Variants in ABCG1 observed in about 807,000 individuals in gnomAD.
ABCG1 encodes the protein ATP binding cassette subfamily G member 1, also known as ATP-binding cassette sub-family G member 1.
A neutral mutation model predicts 69.2 loss-of-function variants in ABCG1; 29 were observed. That is an observed-to-expected ratio of 0.42 (90% CI 0.31 to 0.57). The LOEUF (loss-of-function observed/expected upper bound fraction) is 0.57, where lower values mean the gene tolerates loss of function less well. ABCG1 is among the 20% of genes least tolerant of loss of function. ABCG1 has a pLI of 0.15. For missense variants in ABCG1, 718 were observed against 898.1 expected (o/e 0.80, Z 2.56); for synonymous variants, 370 against 374.8 (o/e 0.99, Z 0.15).
intron 13 of ABCG1, among the ~76,000 whole-genome samples, chr21:42,292,971 CACACTACACACACACCACACT>C: frequency 6.9e-6 from 1 of 145,588 alleles, no homozygotes; most frequent in African/African-American, 2.5e-5. Flanking sequence ...CTACACACCA[CACACTACACACACACCACACT>C]ACACAGTACA....
At chr21:42,253,088 G>T (rs150595637) in intron 2 of ABCG1, among the ~76,000 whole-genome samples, 35 of 152,288 alleles carry the variant, frequency 2.3e-4, no homozygotes, top group African/African-American at 8.2e-4. Flanking sequence ...TGCAGTGGGC[G>T]AGGTGTCTAA....
intron 7 of ABCG1, among the ~76,000 whole-genome samples, chr21:42,285,011 C>T (rs1203888441): frequency 2.0e-5 from 3 of 151,942 alleles, no homozygotes; most frequent in Non-Finnish European, 2.9e-5. Flanking sequence ...CCACAGGCAG[C>T]GAAGGGGGCT....
chr21:42,256,562 T>G, intron 2 of ABCG1: 1 of 1,540,640 alleles, frequency 6.5e-7, no homozygotes, highest in Non-Finnish European at 8.8e-7. Flanking sequence ...ATCTGCATTC[T>G]CTGGGACACT....
intron 13 of ABCG1, 26 bp from the exon 14 acceptor site, chr21:42,294,516 T>C (rs2069165331): frequency 8.8e-6 from 14 of 1,584,260 alleles, no homozygotes; most frequent in Non-Finnish European, 1.1e-5. Flanking sequence ...TTCTGCTACA[T>C]CTGTCCTGTG....
chr21:42,245,048 A>G (rs1320639763), intron 2 of ABCG1, among the ~76,000 whole-genome samples: 1 of 152,204 alleles, frequency 6.6e-6, no homozygotes, highest in Non-Finnish European at 1.5e-5. Context: ...CACGCGCTCC[A>G]CGAGCTCAGG....
rs2068713983 is a variant in ABCG1 at position 42,276,558 on chromosome 21, G to A, written c.538-337G>A. ...CATTGTTAAAGCAGGGGCATCGGAA[G>A]CCAAGAACTCCTTGGGTTTTCCATG... On this transcript the variant is annotated intron_variant, in intron 4 of 14. Coordinates refer to ENST00000398449, the MANE Select transcript of ABCG1 (RefSeq NM_016818.3). This position sits in a 1 kb window ranked among gnomAD's most constrained non-coding sequence, Gnocchi z 5.3. 3.2e-6 allele frequency: 1 copy of A among 310,124 alleles called. No homozygotes were observed. The highest frequency in any genetic ancestry group is 2.1e-5 in the African/African-American group (1 of 47,028). 19.2% of individuals were successfully genotyped at this position (310,124 alleles called of 1,614,324 possible).
intron 10 of ABCG1, among the ~76,000 whole-genome samples, chr21:42,289,348 C>T (rs1203708464): frequency 1.3e-5 from 2 of 152,162 alleles, no homozygotes; most frequent in Admixed American, 1.3e-4. Flanking sequence ...AACCAAATGA[C>T]AGCCCTTAAA....
intron 5 of ABCG1, among the ~76,000 whole-genome samples, chr21:42,279,038 C>T (rs79489808): frequency 0.011 from 1,749 of 152,206 alleles, 33 homozygotes; most frequent in African/African-American, 0.038. Context: ...CCCCTGGATC[C>T]GCCTTTCAGG....
intron 2 of ABCG1, among the ~76,000 whole-genome samples, chr21:42,241,639 A>C (rs1244111870): frequency 2.0e-5 from 3 of 151,296 alleles, no homozygotes; most frequent in Admixed American, 6.6e-5. Flanking sequence ...AACAAAACCC[A>C]AAATCCCTAA....
In ABCG1 at chr21:42,296,742, C is replaced by T. The variant is rs894568638; in HGVS notation, c.*350C>T. On this transcript the variant is annotated 3_prime_UTR_variant, in exon 15 of 15. Transcript: ENST00000398449. The surrounding 1 kb of genome is among the most constrained non-coding windows in gnomAD (Gnocchi z 5.4). ...CCAGTCGCTCCTTAGCACCAGGCAC[C>T]GTGGGTCCTGGATGGGGAACTGCAA... The T allele has an allele frequency of 5.7e-5, 18 of 317,232 alleles. 1 individual carries two copies. Among genetic ancestry groups the T allele is most frequent in the South Asian group, 4.0e-4 (10 of 25,202 alleles). 19.7% of individuals were successfully genotyped at this position (317,232 alleles called of 1,614,324 possible).
intron 2 of ABCG1, among the ~76,000 whole-genome samples, chr21:42,253,750 G>A (rs535198627): frequency 6.6e-6 from 1 of 152,174 alleles, no homozygotes; most frequent in Non-Finnish European, 1.5e-5. Flanking sequence ...AGGACTGGGG[G>A]TGAGATCGAT....
At chr21:42,221,475 A>T (rs115056315) in intron 1 of ABCG1, among the ~76,000 whole-genome samples, 5,135 of 152,206 alleles carry the variant, frequency 0.034, 283 homozygotes, top group African/African-American at 0.12. Context: ...TCGGGGGAAC[A>T]TGCTGGAGCC....
chr21:42,236,750 G>A (rs2067983702), intron 2 of ABCG1, among the ~76,000 whole-genome samples: 1 of 152,208 alleles, frequency 6.6e-6, no homozygotes, highest in African/African-American at 2.4e-5. Flanking sequence ...AGAGATGGTG[G>A]TGGATGAAAA....
chr21:42,245,358 A>T (rs1221387181), intron 2 of ABCG1, among the ~76,000 whole-genome samples: 1 of 152,242 alleles, frequency 6.6e-6, no homozygotes, highest in Non-Finnish European at 1.5e-5. Context: ...TTAAGGAACC[A>T]GAAAATTGCA....
intron 4 of ABCG1, among the ~76,000 whole-genome samples, chr21:42,274,500 A>T (rs773633930): frequency 7.3e-6 from 1 of 136,402 alleles, no homozygotes; most frequent in Non-Finnish European, 1.5e-5. Context: ...TTGGGGACAG[A>T]GTCTCGCTCT....
chr21:42,215,305 C>T (rs1282942351), upstream of ABCG1, among the ~76,000 whole-genome samples: 2 of 152,238 alleles, frequency 1.3e-5, no homozygotes, highest in Admixed American at 6.5e-5. Context: ...GCAGGATCCT[C>T]ACGCCAGAGG....
intron 2 of ABCG1, among the ~76,000 whole-genome samples, chr21:42,235,447 T>C (rs1304957896): frequency 6.6e-6 from 1 of 152,160 alleles, no homozygotes; most frequent in East Asian, 1.9e-4. Context: ...TGAGTGACCA[T>C]GGCCCGTGAC....
chr21:42,237,155 C>A (rs910852473), intron 2 of ABCG1, among the ~76,000 whole-genome samples: 1 of 152,226 alleles, frequency 6.6e-6, no homozygotes. Flanking sequence ...ATCATTTTGT[C>A]ACCTTCTCTC....
intron 6 of ABCG1, among the ~76,000 whole-genome samples, chr21:42,283,800 A>AC (rs533557173): frequency 1.9e-5 from 1 of 52,156 alleles, no homozygotes; most frequent in Admixed American, 1.8e-4. Flanking sequence ...ATGAGTGGGG[A>AC]CCCCCCCACC....
Sources: gnomAD v4.1 joint callset for allele counts (sites outside exome capture counted in the v4.1 genomes callset) on GRCh38, gnomAD v4.1.1 for gene constraint, Gnocchi (gnomAD v3.1) non-coding constraint, MANE v1.5 for transcripts, NCBI Gene and HGNC (gene_info 2026-07-23, HGNC 2026-07-21) for gene names.